The following DNASE1L3 variants were observed in gnomAD, a reference collection of about 807,000 sequenced individuals.
The protein encoded by DNASE1L3 is deoxyribonuclease gamma.
In DNASE1L3, 27 loss-of-function variants were observed where a neutral mutation model predicts 30.9. That is an observed-to-expected ratio of 0.87 (90% CI 0.64 to 1.20). The LOEUF (loss-of-function observed/expected upper bound fraction) is 1.20, where lower values mean the gene tolerates loss of function less well. Among genes scored for constraint, DNASE1L3 ranks in the 50% most tolerant of loss-of-function variants. The probability of loss-of-function intolerance (pLI) is 0.00; values close to 1 mark genes in which losing one functional copy is unlikely to be tolerated. For missense variants in DNASE1L3, 364 were observed against 378.2 expected (o/e 0.96, Z 0.31); for synonymous variants, 135 against 138.0 (o/e 0.98, Z 0.15).
At chr3:58,207,066 T>C (rs919008335) in intron 2 of DNASE1L3, among the ~76,000 whole-genome samples, 1 of 152,150 alleles carries the variant, frequency 6.6e-6, no homozygotes, top group Non-Finnish European at 1.5e-5. Context: ...CAAAAGTCCC[T>C]ATTAAGTGTT....
chr3:58,195,155 A>G (rs967986837), intron 6 of DNASE1L3, among the ~76,000 whole-genome samples: 4 of 152,238 alleles, frequency 2.6e-5, no homozygotes, highest in African/African-American at 9.6e-5. Context: ...AGCACTCAGC[A>G]CATGAGAGGT....
chr3:58,205,540 G>A lies in DNASE1L3; in HGVS notation c.251C>T (p.Thr84Met), dbSNP rs778293446. 1.3e-5 allele frequency: 21 copies of A among 1,613,728 alleles called. No homozygotes were observed. In the Admixed American group the frequency reaches 2.3e-4, roughly 18 times the overall value. Reference sequence around the variant, plus strand: ...CCGAGAGCTAATCACATAGTTGTACGTTATGCCTCTCCTTGAATTTCTAGA... The same window carrying A: ...CCGAGAGCTAATCACATAGTTGTACATTATGCCTCTCCTTGAATTTCTAGA... ...KLNRNSRRGI[T>M]YNYVISSRLG... The change falls in exon 3 of 8, where the codon ACG becomes ATG. Residue 84 changes from threonine (T) to methionine (M), a missense_variant. Physicochemically the swap from Thr to Met is moderately conservative, Grantham distance 81. Transcript: ENST00000394549.
chr3:58,197,912 T>G lies in DNASE1L3; in HGVS notation c.613A>C (p.Ile205Leu). 6.2e-7 allele frequency: 1 copy of G among 1,614,158 alleles called. No individual in the cohort carries two copies. Among genetic ancestry groups the G allele is most frequent in the South Asian group, 1.1e-5 (1 of 91,076 alleles). ...SYVPKKAWKN[I>L]RLRTDPRFVW... ...AACCTGGGGTCAGTCCTCAAGCGGA[T>G]GTTCTTCCAGGCCTTCTTGGGGACG... Residue 205 changes from isoleucine (I) to leucine (L), a missense_variant, in exon 6 of 8, where the codon ATC (isoleucine) becomes CTC (leucine). Physicochemically the swap from Ile to Leu is conservative, Grantham distance 5 (BLOSUM62 2). Transcript: ENST00000394549. The surrounding 1 kb of genome is among the most constrained non-coding windows in gnomAD (Gnocchi z 5.3).
chr3:58,204,649 TA>T, intron 4 of DNASE1L3, 119 bp downstream of exon 4: 1 of 753,328 alleles, frequency 1.3e-6, no homozygotes, highest in Non-Finnish European at 2.2e-6. Flanking sequence ...ATTGAAGTAT[TA>T]GAAGCAATGC....
chr3:58,201,074 T>G lies in DNASE1L3; in HGVS notation c.469A>C (p.Thr157Pro), dbSNP rs937773576. ...KDFVIIPLHT[T>P]PETSVKEIDE... ...ATCTCCTTAACGGATGTCTCTGGGGTGGTGTGCAGGGGGATAATCACGAAG... is the reference window on the plus strand; with the variant it reads ...ATCTCCTTAACGGATGTCTCTGGGGGGGTGTGCAGGGGGATAATCACGAAG... The change falls in exon 5 of 8, where the codon ACC becomes CCC. Residue 157 changes from threonine (T) to proline (P), a missense_variant. By Grantham distance (38) the Thr-to-Pro change is conservative. Coordinates refer to ENST00000394549, the MANE Select transcript of DNASE1L3 (RefSeq NM_004944.4). 3 of 1,611,854 alleles carry G rather than the reference T, an allele frequency of 1.9e-6. No individual in the cohort carries two copies. The African/African-American group carries it at 4.0e-5, about 22-fold the overall frequency.
At chr3:58,207,492 C>T (rs1217333809) in intron 2 of DNASE1L3, among the ~76,000 whole-genome samples, 1 of 143,672 alleles carries the variant, frequency 7.0e-6, no homozygotes, top group African/African-American at 2.6e-5. Context: ...TGGAGAGCAT[C>T]CTTCCAGTCT....
Position 58,193,365 on chromosome 3 carries a change from G to A in DNASE1L3, c.779C>T (p.Ala260Val). The change falls in exon 7 of 8, where the codon GCT (alanine) becomes GTT (valine). Residue 260 changes from alanine (A) to valine (V), a missense_variant. Physicochemically the swap from Ala to Val is moderately conservative, Grantham distance 64 (BLOSUM62 0). Coordinates refer to ENST00000394549, the MANE Select transcript of DNASE1L3 (RefSeq NM_004944.4). ...KSNSVFDFQK[A>V]YKLTEEEALD... is the part of the protein sequence containing the mutation. ...TACCTCCTCTTCAGTCAGCTTGTAA[G>A]CTTTCTGGAAGTCAAAAACACTGTT... The A allele has an allele frequency of 6.2e-7, 1 of 1,614,104 alleles. No individual in the cohort carries two copies. The highest frequency in any genetic ancestry group is 8.5e-7 in the Non-Finnish European group (1 of 1,180,000).
At chr3:58,204,736 G>T in intron 4 of DNASE1L3, 33 bp downstream of exon 4, 1 of 1,592,518 alleles carries the variant, frequency 6.3e-7, no homozygotes, top group Non-Finnish European at 8.6e-7. Context: ...CCGTTGGGGA[G>T]GTCCCAGACA....
rs2097399638 is a variant in DNASE1L3 at position 58,200,008 on chromosome 3, T to C, written c.546+989A>G. Among the ~76,000 whole-genome samples the C allele has an allele frequency of 6.6e-6, 1 of 152,074 alleles. No homozygotes were observed. The highest frequency in any genetic ancestry group is 2.4e-5 in the African/African-American group (1 of 41,412). The stretch of plus-strand genomic sequence containing the variant: ...ACATTCCGAAACGAGAAAAGAGAAA[T>C]ACAGAAGAAGAACCCTTGGGTGCAC... On this transcript the variant is annotated intron_variant, in intron 5 of 7. Transcript: ENST00000394549. The surrounding 1 kb of genome is among the most constrained non-coding windows in gnomAD (Gnocchi z 4.2).
At chr3:58,193,240 C>T (rs572653135) in intron 7 of DNASE1L3, 103 bp downstream of exon 7, 1 of 1,488,926 alleles carries the variant, frequency 6.7e-7, no homozygotes, top group South Asian at 1.2e-5. Flanking sequence ...CCATGCCCAG[C>T]TAATTTTTTT....
At chr3:58,194,473 C>A (rs2097395999) in intron 6 of DNASE1L3, among the ~76,000 whole-genome samples, 1 of 151,798 alleles carries the variant, frequency 6.6e-6, no homozygotes, top group South Asian at 2.1e-4. Context: ...GTGTGTGCCA[C>A]CACGCCTGGC....
intron 2 of DNASE1L3, among the ~76,000 whole-genome samples, chr3:58,207,012 C>T (rs561922080): frequency 1.3e-5 from 2 of 152,224 alleles, no homozygotes; most frequent in East Asian, 3.9e-4. Context: ...CAGGATCTAC[C>T]ATCTCATCTT....
rs2097399797 is a variant in DNASE1L3 at position 58,200,260 on chromosome 3, A to T, written c.546+737T>A. Reference sequence around the variant, plus strand: ...TCAATCAGAGTAGCTCAACACCCTGATCACAATGATTGGTTCAGGGATGGA... The same window carrying T: ...TCAATCAGAGTAGCTCAACACCCTGTTCACAATGATTGGTTCAGGGATGGA... On this transcript the variant is annotated intron_variant, in intron 5 of 7. Transcript: ENST00000394549. The surrounding 1 kb of genome is among the most constrained non-coding windows in gnomAD (Gnocchi z 4.2). Among the ~76,000 whole-genome samples the T allele has an allele frequency of 6.6e-6, 1 of 152,200 alleles. No homozygotes were observed. The highest frequency in any genetic ancestry group is 2.1e-4 in the South Asian group (1 of 4,828).
chr3:58,209,226 G>A (rs779892540), intron 1 of DNASE1L3, among the ~76,000 whole-genome samples: 2 of 152,174 alleles, frequency 1.3e-5, no homozygotes, highest in African/African-American at 2.4e-5. Context: ...TGGTAGGATG[G>A]GGAGGGTGAG....
At chr3:58,202,432 G>C (rs2097401365) in intron 4 of DNASE1L3, among the ~76,000 whole-genome samples, 1 of 149,570 alleles carries the variant, frequency 6.7e-6, no homozygotes, top group African/African-American at 2.5e-5. Flanking sequence ...CAAAGTGCTG[G>C]GATTACAGGT....
rs537004284 is a variant in DNASE1L3, at chr3:58,199,667, A to G, written c.546+1330T>C. Reference sequence around the variant, plus strand: ...GACAAGAGCGAGATTTCATCTCAAGAAAAAAAAAAAAAAAGAATCACATCC... The same window carrying G: ...GACAAGAGCGAGATTTCATCTCAAGGAAAAAAAAAAAAAAGAATCACATCC... On this transcript the variant is annotated intron_variant, in intron 5 of 7. Transcript: ENST00000394549. Among the ~76,000 whole-genome samples the G allele has an allele frequency of 3.0e-3, 366 of 123,100 alleles. 1 individual carries two copies. Among genetic ancestry groups the G allele is most frequent in the African/African-American group, 0.01 (355 of 33,948 alleles). The allele number at this position is 123,100 out of a possible 152,430, so 80.8% of individuals were successfully genotyped here.
At position 58,200,970 on chromosome 3, in the gene DNASE1L3, G is replaced by A. The variant is rs1332147867; in HGVS notation, c.546+27C>T. 6.3e-7 allele frequency: 1 copy of A among 1,590,160 alleles called. No individual in the cohort carries two copies. The highest frequency in any genetic ancestry group is 1.7e-5 in the Admixed American group (1 of 59,174). ...ACCAGAGCCTGCCCCTGCTAGATGG[G>A]AATTCGTCTGACACAGCAGTCCTCA... On this transcript the variant is annotated intron_variant, in intron 5 of 7. Transcript: ENST00000394549. This position sits in a 1 kb window ranked among gnomAD's most constrained non-coding sequence, Gnocchi z 4.2.
chr3:58,193,221 C>T, intron 7 of DNASE1L3, 122 bp downstream of exon 7: 2 of 1,424,268 alleles, frequency 1.4e-6, no homozygotes, highest in South Asian at 1.3e-5. Context: ...GGACCATAGG[C>T]ATGCATCACC....
At chr3:58,202,643 C>A (rs1055453301) in intron 4 of DNASE1L3, among the ~76,000 whole-genome samples, 6 of 151,784 alleles carry the variant, frequency 4.0e-5, no homozygotes, top group Non-Finnish European at 1.5e-5. Context: ...CACCTGAGGT[C>A]GGGAGTTCCA....
Sources: allele counts gnomAD v4.1 joint callset (sites outside exome capture counted in the v4.1 genomes callset), GRCh38; gene constraint gnomAD v4.1.1; non-coding constraint Gnocchi (gnomAD v3.1); transcripts MANE v1.5; gene names NCBI Gene and HGNC (gene_info 2026-07-23, HGNC 2026-07-21).